The following RAB29 variants were observed in gnomAD, a reference collection of about 807,000 sequenced individuals.
RAB29 encodes RAB29, member RAS oncogene family, also known as ras-related protein Rab-29.
In RAB29, 13 loss-of-function variants were observed where a neutral mutation model predicts 25.5. That is an observed-to-expected ratio of 0.51 (90% CI 0.33 to 0.81). The LOEUF (loss-of-function observed/expected upper bound fraction) is 0.81, where lower values mean the gene tolerates loss of function less well. RAB29 is among the 30% of genes least tolerant of loss of function. The pLI, the probability that RAB29 is intolerant of heterozygous loss-of-function variation, is 0.02. For missense variants in RAB29, 201 were observed against 254.9 expected (o/e 0.79, Z 1.44); for synonymous variants, 88 against 95.0 (o/e 0.93, Z 0.43).
Position 205,769,185 on chromosome 1 carries a change from G to A in RAB29, c.*1157C>T, listed in dbSNP as rs1270545012. The A allele has an allele frequency of 6.9e-6, 1 of 144,540 alleles. No individual in the cohort carries two copies. The highest frequency in any genetic ancestry group is 7.3e-5 in the Admixed American group (1 of 13,770). The allele number at this position is 144,540 out of a possible 1,614,324, so 9.0% of individuals were successfully genotyped here. On this transcript the variant is annotated 3_prime_UTR_variant, in exon 6 of 6. Coordinates refer to ENST00000367139, the MANE Select transcript of RAB29 (RefSeq NM_003929.3). The stretch of plus-strand genomic sequence containing the variant: ...GACTAAGTGCCTACGTGTTCACAAA[G>A]TTGCCCCAGTGGAGGTTGTTAACTT...
At chr1:205,771,758 T>C in intron 3 of RAB29, 105 bp from the exon 4 acceptor site, 1 of 1,135,266 alleles carries the variant, frequency 8.8e-7, no homozygotes. Flanking sequence ...GCCACTCACT[T>C]TCCCCCTCTG....
Position 205,775,067 on chromosome 1 carries a change from C to T in RAB29, c.-111G>A, listed in dbSNP as rs1655248522. 2.2e-6 allele frequency: 3 copies of T among 1,373,564 alleles called. No homozygotes were observed. The highest frequency in any genetic ancestry group is 2.0e-6 in the Non-Finnish European group (2 of 996,000). 85.1% of individuals were successfully genotyped at this position (1,373,564 alleles called of 1,614,324 possible). On this transcript the variant is annotated 5_prime_UTR_variant, in exon 2 of 6. Coordinates refer to ENST00000367139, the MANE Select transcript of RAB29 (RefSeq NM_003929.3). ...CTCTTCAAACTGAAGTGAGGCATTC[C>T]CACCCACCGCCTGTCTGGGCTGCTC...
chr1:205,775,113 A>G, intron 1 of RAB29, 27 bp from the exon 2 acceptor site: 1 of 1,024,124 alleles, frequency 9.8e-7, no homozygotes, highest in South Asian at 1.7e-5. Context: ...GCAAAAAAGG[A>G]AACTTTGCAC....
At chr1:205,773,089 A>G (rs1287368161) in intron 2 of RAB29, among the ~76,000 whole-genome samples, 2 of 152,188 alleles carry the variant, frequency 1.3e-5, no homozygotes, top group Non-Finnish European at 2.9e-5. Context: ...AATAAATGGA[A>G]AAGGTCCCAG....
chr1:205,771,610 A>T lies in RAB29; in HGVS notation c.240T>A (p.Asp80Glu). Residue 80 changes from aspartate to glutamate, a missense_variant, in exon 4 of 6, where the codon GAT (aspartate) becomes GAA (glutamate). Coordinates refer to ENST00000367139, the MANE Select transcript of RAB29 (RefSeq NM_003929.3). The part of the protein sequence containing the change: ...FTSMTRLYYR[D>E]ASACVIMFDV... ...CAAACATAATAACACAGGCAGAGGC[A>T]TCCCGATAATACAATCGTGTCATAG... 1 of 1,614,208 alleles carries T rather than the reference A, an allele frequency of 6.2e-7. No individual in the cohort carries two copies. Among genetic ancestry groups the T allele is most frequent in the Non-Finnish European group, 8.5e-7 (1 of 1,180,018 alleles).
Position 205,768,290 on chromosome 1 carries a change from G to C in RAB29, c.*2052C>G, listed in dbSNP as rs759327700. 2.0e-5 allele frequency: 3 copies of C among 152,190 alleles called. No homozygotes were observed. Among genetic ancestry groups the C allele is most frequent in the Non-Finnish European group, 2.9e-5 (2 of 68,044 alleles). 9.4% of individuals were successfully genotyped at this position (152,190 alleles called of 1,614,324 possible). ...CTTAGGGCAGTGGTTTTCAACGTCT[G>C]TGTAGCAGAATCACCTGAAAAGCTA... On this transcript the variant is annotated 3_prime_UTR_variant, in exon 6 of 6. Coordinates refer to ENST00000367139, the MANE Select transcript of RAB29 (RefSeq NM_003929.3).
At chr1:205,774,795 T>TCCAG in intron 2 of RAB29, 38 bp downstream of exon 2, 17 of 860,514 alleles carry the variant, frequency 2.0e-5, no homozygotes, top group Non-Finnish European at 2.9e-5. Context: ...CGGGGCCTCC[T>TCCAG]CCTCCCCCTC....
At chr1:205,774,118 C>G (rs1655171529) in intron 2 of RAB29, among the ~76,000 whole-genome samples, 1 of 152,182 alleles carries the variant, frequency 6.6e-6, no homozygotes, top group South Asian at 2.1e-4. Context: ...CCTACCTTCT[C>G]CAGTTTGAGG....
At chr1:205,774,792 T>TCCACCCA in intron 2 of RAB29, 41 bp downstream of exon 2, 1 of 1,287,998 alleles carries the variant, frequency 7.8e-7, no homozygotes. Flanking sequence ...GGTCGGGGCC[T>TCCACCCA]CCTCCTCCCC....
intron 1 of RAB29, 79 bp from the exon 2 acceptor site, chr1:205,775,165 G>A (rs1655257656): frequency 1.6e-5 from 9 of 578,666 alleles, no homozygotes; most frequent in Non-Finnish European, 2.0e-5. Context: ...CGCAACCTGG[G>A]TGGGGCGCAG....
intron 2 of RAB29, among the ~76,000 whole-genome samples, chr1:205,772,987 G>T (rs970170677): frequency 2.0e-5 from 3 of 152,126 alleles, no homozygotes; most frequent in Non-Finnish European, 2.9e-5. Flanking sequence ...TTTCACTGTT[G>T]GTTTCTAATC....
intron 5 of RAB29, 113 bp from the exon 6 acceptor site, chr1:205,770,566 C>T: frequency 7.2e-7 from 1 of 1,384,806 alleles, no homozygotes; most frequent in Non-Finnish European, 1.0e-6. Flanking sequence ...GGTTTAAATG[C>T]CCCTTTGTCC....
chr1:205,770,684 A>ACAG, intron 5 of RAB29, 49 bp downstream of exon 5: 2 of 1,612,008 alleles, frequency 1.2e-6, no homozygotes, highest in South Asian at 2.2e-5. Context: ...CCACAGGGCC[A>ACAG]CAGTGGAAGA....
Position 205,770,285 on chromosome 1 carries a change from A to C in RAB29, c.*57T>G, listed in dbSNP as rs535142156. 1 of 1,449,072 alleles carries C rather than the reference A, an allele frequency of 6.9e-7. No homozygotes were observed. Among genetic ancestry groups the C allele is most frequent in the Non-Finnish European group, 9.7e-7 (1 of 1,031,646 alleles). The allele number at this position is 1,449,072 out of a possible 1,614,324, so 89.8% of individuals were successfully genotyped here. A position where few individuals can be genotyped will look rare whatever the true frequency, so the allele number is the denominator to read the frequency against. On this transcript the variant is annotated 3_prime_UTR_variant, in exon 6 of 6. Transcript: ENST00000367139. The stretch of plus-strand genomic sequence containing the variant: ...AATAAAATTGTCAGGTGGGCAACCA[A>C]AGGGAAGAGACTTAAAAGACCTCCC...
rs1654921001 is a variant in RAB29, at chr1:205,770,328, T to C, written c.*14A>G. 2.5e-6 allele frequency: 4 copies of C among 1,606,216 alleles called. No homozygotes were observed. The highest frequency in any genetic ancestry group is 3.4e-6 in the Non-Finnish European group (4 of 1,172,894). Reference sequence around the variant, plus strand: ...GACCTCCCAGAACTGGGATGGAAAATAAGCCAAACACTACTAGCAGCAGGA... The same window carrying C: ...GACCTCCCAGAACTGGGATGGAAAACAAGCCAAACACTACTAGCAGCAGGA... On this transcript the variant is annotated 3_prime_UTR_variant, in exon 6 of 6. Coordinates refer to ENST00000367139, the MANE Select transcript of RAB29 (RefSeq NM_003929.3).
At chr1:205,774,551 T>C (rs1022051784) in intron 2 of RAB29, among the ~76,000 whole-genome samples, 1 of 152,198 alleles carries the variant, frequency 6.6e-6, no homozygotes, top group Non-Finnish European at 1.5e-5. Context: ...CAGCAATTGC[T>C]CATCCTCATC....
chr1:205,773,769 G>C (rs543792595), intron 2 of RAB29, among the ~76,000 whole-genome samples: 105 of 152,260 alleles, frequency 6.9e-4, no homozygotes, highest in Admixed American at 3.0e-3. Context: ...GCCTCCTAAA[G>C]TGCTGGGATT....
rs2102489240 is a variant in RAB29, at chr1:205,775,313, CCA to C, written c.-173_-172del. The C allele has an allele frequency of 4.0e-6, 1 of 250,962 alleles. No homozygotes were observed. Among genetic ancestry groups the C allele is most frequent in the East Asian group, 1.3e-4 (1 of 7,720 alleles). 15.5% of individuals were successfully genotyped at this position (250,962 alleles called of 1,614,324 possible). ...GCGGCTCCAAGTCAGTGACTGAATC[CCA>C]GTCAGCTCCTTACACCACTGGGGCC... is the stretch of plus-strand genomic sequence containing the variant. On this transcript the variant is annotated 5_prime_UTR_variant, in exon 1 of 6. Coordinates refer to ENST00000367139, the MANE Select transcript of RAB29 (RefSeq NM_003929.3).
intron 4 of RAB29, 118 bp from the exon 5 acceptor site, chr1:205,770,972 C>T (rs573917086): frequency 2.3e-5 from 30 of 1,312,354 alleles, no homozygotes; most frequent in Admixed American, 6.3e-5. Context: ...ACACCAGCAT[C>T]GGAAATCTAT....
Sources: allele counts gnomAD v4.1 joint callset (sites outside exome capture counted in the v4.1 genomes callset), GRCh38; gene constraint gnomAD v4.1.1; transcripts MANE v1.5; gene names NCBI Gene and HGNC (gene_info 2026-07-23, HGNC 2026-07-21).